The following ARFGAP3 variants were observed in gnomAD, a reference collection of about 807,000 sequenced individuals.
ARFGAP3 encodes the protein ADP-ribosylation factor GTPase-activating protein 3.
In ARFGAP3, 72 loss-of-function variants were observed where a neutral mutation model predicts 75.0. That is an observed-to-expected ratio of 0.96 (90% CI 0.79 to 1.17). The LOEUF is 1.17. Ranked by LOEUF, ARFGAP3 falls within the 50% of genes most tolerant of loss-of-function variation. ARFGAP3 has a pLI of 0.00. For synonymous variants in ARFGAP3, 221 were observed against 217.9 expected (o/e 1.01, Z -0.13); for missense variants, 620 against 626.6 (o/e 0.99, Z 0.11).
chr22:42,839,219 TA>T (rs1257480859), intron 3 of ARFGAP3, among the ~76,000 whole-genome samples: 5 of 152,204 alleles, frequency 3.3e-5, no homozygotes, highest in African/African-American at 1.2e-4. Context: ...ATTTTAAGGT[TA>T]TTTTTTCACA....
chr22:42,811,870 C>T (rs1272155644), intron 11 of ARFGAP3, among the ~76,000 whole-genome samples: 1 of 152,020 alleles, frequency 6.6e-6, no homozygotes, highest in African/African-American at 2.4e-5. Flanking sequence ...TGTGCCAAAA[C>T]CTTGAGAAAA....
At chr22:42,849,387 T>C (rs927080763) in intron 1 of ARFGAP3, among the ~76,000 whole-genome samples, 3 of 152,230 alleles carry the variant, frequency 2.0e-5, no homozygotes, top group Non-Finnish European at 2.9e-5. Context: ...TGCAGGTTCA[T>C]AACCGAGGAC....
At chr22:42,854,960 A>AT (rs397806116) in intron 1 of ARFGAP3, among the ~76,000 whole-genome samples, 4 of 151,796 alleles carry the variant, frequency 2.6e-5, no homozygotes, top group African/African-American at 9.7e-5. Flanking sequence ...CAGAATATAA[A>AT]TTTTTCACAG....
intron 2 of ARFGAP3, among the ~76,000 whole-genome samples, chr22:42,843,186 T>A (rs1234346388): frequency 6.6e-6 from 1 of 151,680 alleles, no homozygotes; most frequent in Admixed American, 6.6e-5. Flanking sequence ...CCTCCCCACA[T>A]GCCTCACCCC....
At chr22:42,811,663 A>G (rs778548976) in intron 11 of ARFGAP3, among the ~76,000 whole-genome samples, 9 of 152,190 alleles carry the variant, frequency 5.9e-5, no homozygotes, top group Non-Finnish European at 1.3e-4. Context: ...AGTAAACTTG[A>G]TCTGATTTGC....
At chr22:42,807,846 G>T (rs9611912) in intron 13 of ARFGAP3, among the ~76,000 whole-genome samples, 2 of 146,906 alleles carry the variant, frequency 1.4e-5, no homozygotes, top group African/African-American at 5.0e-5. Context: ...TTCTGGGTTC[G>T]AGCGATTCTC....
At chr22:42,853,162 AAT>A (rs1927354271) in intron 1 of ARFGAP3, among the ~76,000 whole-genome samples, 1 of 149,320 alleles carries the variant, frequency 6.7e-6, no homozygotes, top group South Asian at 2.1e-4. Context: ...ATTATCTTAT[AAT>A]AAGAGTTTCT....
chr22:42,835,946 G>T (rs1242231847), intron 3 of ARFGAP3, among the ~76,000 whole-genome samples: 1 of 150,970 alleles, frequency 6.6e-6, no homozygotes, highest in Non-Finnish European at 1.5e-5. Context: ...TTCTACTCAG[G>T]ACTACTTTTA....
chr22:42,854,727 T>A (rs1927424429), intron 1 of ARFGAP3, among the ~76,000 whole-genome samples: 1 of 152,216 alleles, frequency 6.6e-6, no homozygotes, highest in South Asian at 2.1e-4. Context: ...GGATACCATG[T>A]TCTAAAAGTA....
At chr22:42,803,509 G>C (rs942363333) in intron 14 of ARFGAP3, among the ~76,000 whole-genome samples, 5 of 152,160 alleles carry the variant, frequency 3.3e-5, no homozygotes, top group Admixed American at 2.0e-4. Flanking sequence ...ACATGCTGAG[G>C]GGGCAGCTGG....
intron 5 of ARFGAP3, among the ~76,000 whole-genome samples, chr22:42,833,185 G>A (rs1926372306): frequency 6.6e-6 from 1 of 152,190 alleles, no homozygotes; most frequent in Admixed American, 6.5e-5. Flanking sequence ...GGCTTACTTT[G>A]TGCCAGGTAC....
chr22:42,835,143 A>G (rs1926461579), intron 4 of ARFGAP3, among the ~76,000 whole-genome samples: 1 of 152,246 alleles, frequency 6.6e-6, no homozygotes, highest in South Asian at 2.1e-4. Context: ...ATAGGAACCT[A>G]ATCCTGTATT....
Position 42,825,589 on chromosome 22 carries a change from C to T in ARFGAP3, c.625+1351G>A, listed in dbSNP as rs1248722627. 5.9e-5 allele frequency among the ~76,000 whole-genome samples: 9 copies of T among 151,466 alleles called. No homozygotes were observed. The South Asian group carries it at 1.2e-3, about 21-fold the overall frequency. ...ACTTGGGAGGCTGAGGCACGAGAAT[C>T]GCTTGAACCCAGGAGGCACCGGGAG... On this transcript the variant is annotated intron_variant, in intron 7 of 15. Transcript: ENST00000263245.
chr22:42,808,137 C>A (rs1569137806), intron 13 of ARFGAP3, among the ~76,000 whole-genome samples: 1 of 151,946 alleles, frequency 6.6e-6, no homozygotes, highest in Non-Finnish European at 1.5e-5. Flanking sequence ...GTGGCTCACG[C>A]CTGTAATACC....
At chr22:42,803,945 C>T (rs1175015076) in intron 14 of ARFGAP3, among the ~76,000 whole-genome samples, 5 of 148,968 alleles carry the variant, frequency 3.4e-5, no homozygotes, top group African/African-American at 1.2e-4. Context: ...GCTCTATCAC[C>T]CAGGCTGGAG....
chr22:42,805,030 C>T (rs187231000), intron 14 of ARFGAP3, among the ~76,000 whole-genome samples: 133 of 152,194 alleles, frequency 8.7e-4, no homozygotes, highest in Middle Eastern at 6.8e-3. Context: ...TCTTGGGAGG[C>T]TGAGGAGGGA....
chr22:42,796,685 C>CT lies in ARFGAP3; in HGVS notation c.*902dup, dbSNP rs1924618174. The CT allele has an allele frequency of 6.6e-6, 1 of 152,190 alleles. No homozygotes were observed. 9.4% of individuals were successfully genotyped at this position (152,190 alleles called of 1,614,324 possible). ...TATTCTAATGCTGTCTAAAACACAGCTAAATTATTTTTCTTTATTTGTTTA... is the reference window on the plus strand; with the variant it reads ...TATTCTAATGCTGTCTAAAACACAGCTTAAATTATTTTTCTTTATTTGTTTA... On this transcript the variant is annotated 3_prime_UTR_variant, in exon 16 of 16. Coordinates refer to ENST00000263245, the MANE Select transcript of ARFGAP3 (RefSeq NM_014570.5).
intron 14 of ARFGAP3, among the ~76,000 whole-genome samples, chr22:42,801,838 C>T (rs1013999511): frequency 8.5e-5 from 13 of 152,104 alleles, no homozygotes; most frequent in African/African-American, 2.9e-4. Flanking sequence ...CAGTGTAAGG[C>T]ACAAGAGTGG....
At chr22:42,815,136 A>G (rs1010116759) in intron 11 of ARFGAP3, among the ~76,000 whole-genome samples, 1 of 152,176 alleles carries the variant, frequency 6.6e-6, no homozygotes, top group Non-Finnish European at 1.5e-5. Flanking sequence ...GCTAATACAG[A>G]CCCGTACTGC....
Sources: allele counts gnomAD v4.1 joint callset (sites outside exome capture counted in the v4.1 genomes callset), GRCh38; gene constraint gnomAD v4.1.1; transcripts MANE v1.5; gene names NCBI Gene and HGNC (gene_info 2026-07-23, HGNC 2026-07-21).